Variants in CNTN4 observed in about 807,000 individuals in gnomAD.
CNTN4 encodes the protein contactin-4.
A neutral mutation model predicts 122.5 loss-of-function variants in CNTN4; 77 were observed. That is an observed-to-expected ratio of 0.63 (90% CI 0.52 to 0.76). The LOEUF is 0.76. CNTN4 is among the 30% of genes least tolerant of loss of function. The pLI, the probability that CNTN4 is intolerant of heterozygous loss-of-function variation, is 0.00. For missense variants in CNTN4, 1,256 were observed against 1,259.1 expected (o/e 1.00, Z 0.04); for synonymous variants, 512 against 447.0 (o/e 1.15, Z -1.83).
intron 3 of CNTN4, among the ~76,000 whole-genome samples, chr3:2,424,989 G>T (rs905909552): frequency 1.3e-5 from 2 of 152,164 alleles, no homozygotes; most frequent in African/African-American, 4.8e-5. Flanking sequence ...CAGATGGGTA[G>T]ATTGCAAAAA....
Position 2,120,405 on chromosome 3 carries a change from ATTTT to A in CNTN4, c.-145+19780_-145+19783del, listed in dbSNP as rs57112843. ...TATATATATATATATATATATATAT[ATTTT>A]TTTTTTTTTTTTTATGCAGAGTCTC... On this transcript the variant is annotated intron_variant, in intron 2 of 24. Transcript: ENST00000418658. 9.5e-4 allele frequency among the ~76,000 whole-genome samples: 39 copies of A among 40,850 alleles called. 1 individual carries two copies. The highest frequency in any genetic ancestry group is 3.4e-3 in the African/African-American group (31 of 8,996). 26.8% of individuals were successfully genotyped at this position (40,850 alleles called of 152,430 possible).
At chr3:2,922,738 C>A (rs1258652182) in intron 12 of CNTN4, among the ~76,000 whole-genome samples, 1 of 151,698 alleles carries the variant, frequency 6.6e-6, no homozygotes, top group Non-Finnish European at 1.5e-5. Context: ...TCAGCCTCCC[C>A]AGTAGTTGGA....
At chr3:2,133,002 CA>C (rs535783662) in intron 2 of CNTN4, among the ~76,000 whole-genome samples, 36 of 151,920 alleles carry the variant, frequency 2.4e-4, no homozygotes, top group Admixed American at 9.8e-4. Context: ...AAAAACAAGA[CA>C]ATGAAACAAA....
intron 3 of CNTN4, among the ~76,000 whole-genome samples, chr3:2,491,970 C>T (rs1408827780): frequency 1.3e-5 from 2 of 151,478 alleles, no homozygotes; most frequent in African/African-American, 2.4e-5. Context: ...TATCTTAAGT[C>T]TTTGTTTTTT....
intron 2 of CNTN4, among the ~76,000 whole-genome samples, chr3:2,189,682 G>A (rs562523584): frequency 9.9e-5 from 15 of 152,182 alleles, no homozygotes; most frequent in Middle Eastern, 3.4e-3. Context: ...GCAAGATGGC[G>A]CTCTTCATTA....
intron 2 of CNTN4, among the ~76,000 whole-genome samples, chr3:2,169,780 TTTAAG>T (rs895805003): frequency 3.9e-5 from 6 of 152,300 alleles, no homozygotes; most frequent in African/African-American, 1.2e-4. Flanking sequence ...CTGTTTCTGT[TTTAAG>T]TTAAAGAACA....
chr3:3,021,304 A>G (rs971117866), intron 14 of CNTN4, among the ~76,000 whole-genome samples: 1 of 152,194 alleles, frequency 6.6e-6, no homozygotes, highest in East Asian at 1.9e-4. Flanking sequence ...GGTGCCAACT[A>G]TAGAATGTTG....
At chr3:2,336,702 C>T (rs1264506395) in intron 2 of CNTN4, among the ~76,000 whole-genome samples, 1 of 152,062 alleles carries the variant, frequency 6.6e-6, no homozygotes, top group Non-Finnish European at 1.5e-5. Flanking sequence ...TAAAACCTAA[C>T]CTCATGGGGA....
chr3:3,012,943 G>A (rs751276511), intron 14 of CNTN4, among the ~76,000 whole-genome samples: 15 of 151,928 alleles, frequency 9.9e-5, no homozygotes, highest in South Asian at 2.1e-4. Context: ...ACTCCAGCCC[G>A]GGCAACAAGA....
At chr3:2,930,710 A>G (rs181221549) in intron 13 of CNTN4, among the ~76,000 whole-genome samples, 3 of 152,320 alleles carry the variant, frequency 2.0e-5, no homozygotes, top group Non-Finnish European at 4.4e-5. Context: ...TTAGAACAGC[A>G]GCATGACTCT....
intron 16 of CNTN4, among the ~76,000 whole-genome samples, chr3:3,033,859 C>T (rs1699382069): frequency 6.6e-6 from 1 of 152,162 alleles, no homozygotes; most frequent in South Asian, 2.1e-4. Flanking sequence ...ATTTCCTCCC[C>T]TTTCCATGGT....
At chr3:3,029,628 G>A (rs1275043901) in intron 15 of CNTN4, among the ~76,000 whole-genome samples, 1 of 152,206 alleles carries the variant, frequency 6.6e-6, no homozygotes, top group Non-Finnish European at 1.5e-5. Context: ...AATAGAATGA[G>A]GATATGGTCT....
chr3:2,889,580 T>C (rs1455394651), intron 10 of CNTN4, among the ~76,000 whole-genome samples: 1 of 151,124 alleles, frequency 6.6e-6, no homozygotes, highest in East Asian at 2.0e-4. Context: ...AATGTAATAA[T>C]TATTTTTTCT....
At chr3:2,741,625 A>G (rs2089461684) in intron 5 of CNTN4, among the ~76,000 whole-genome samples, 1 of 152,228 alleles carries the variant, frequency 6.6e-6, no homozygotes, top group Non-Finnish European at 1.5e-5. Flanking sequence ...ATTTTTAAAT[A>G]CTTTGTGTAG....
intron 3 of CNTN4, among the ~76,000 whole-genome samples, chr3:2,451,620 A>G (rs1033153676): frequency 1.3e-5 from 2 of 152,090 alleles, no homozygotes; most frequent in African/African-American, 4.8e-5. Context: ...GACTGTAACC[A>G]TATAAATGTA....
At chr3:2,384,808 A>G (rs1483669116) in intron 3 of CNTN4, among the ~76,000 whole-genome samples, 1 of 151,814 alleles carries the variant, frequency 6.6e-6, no homozygotes, top group Non-Finnish European at 1.5e-5. Context: ...CCTCTACATT[A>G]TATCCTTGGT....
chr3:2,310,552 A>C (rs993828392), intron 2 of CNTN4, among the ~76,000 whole-genome samples: 1 of 152,212 alleles, frequency 6.6e-6, no homozygotes, highest in Admixed American at 6.6e-5. Context: ...ATGCTACCTC[A>C]TCACACTTTC....
intron 2 of CNTN4, among the ~76,000 whole-genome samples, chr3:2,206,250 A>G (rs756636467): frequency 6.6e-6 from 1 of 152,126 alleles, no homozygotes; most frequent in Admixed American, 6.6e-5. Context: ...CAAAGCTAAT[A>G]CTGTCAACTT....
chr3:2,889,676 G>A (rs2094016881), intron 10 of CNTN4, among the ~76,000 whole-genome samples: 2 of 152,162 alleles, frequency 1.3e-5, no homozygotes, highest in South Asian at 4.1e-4. Context: ...CTTCAGTTCA[G>A]TGGTGGCTGT....
Sources: gnomAD v4.1 joint callset for allele counts (sites outside exome capture counted in the v4.1 genomes callset) on GRCh38, gnomAD v4.1.1 for gene constraint, MANE v1.5 for transcripts, NCBI Gene and HGNC (gene_info 2026-07-23, HGNC 2026-07-21) for gene names.